LMOD3: variants seen among roughly 807,000 people sequenced by gnomAD.
The protein encoded by LMOD3 is leiomodin-3.
Under a neutral mutation model 41.8 loss-of-function variants are expected in LMOD3, and 31 were observed. The ratio of observed to expected loss-of-function variants is 0.74; its 90% confidence interval spans 0.56 to 1.00. The LOEUF is 1.00. Among genes scored for constraint, LMOD3 ranks in the 50% least tolerant of loss-of-function variants. The pLI is 0.00. For missense variants in LMOD3, 755 were observed against 679.5 expected (o/e 1.11, Z -1.23); for synonymous variants, 292 against 241.9 (o/e 1.21, Z -1.92).
intron 2 of LMOD3, among the ~76,000 whole-genome samples, chr3:69,110,853 A>ATATATAT (rs1553686981): frequency 7.7e-5 from 8 of 104,124 alleles, no homozygotes; most frequent in African/African-American, 3.4e-4. Context: ...AAAAAAAAAA[A>ATATATAT]ATATATATAT....
In LMOD3 at chr3:69,120,055, CT is replaced by C. The variant is rs779034588; in HGVS notation, c.299del (p.Lys100ArgfsTer9). Reference protein sequence around the residue: ...VPVTFVKSEEKTQEEHEEIEK... With the variant: ...VPVTFVKSEEXTQEEHEEIEK... The stretch of plus-strand genomic sequence containing the variant: ...CTATTTCTTCATGCTCTTCTTGAGT[CT>C]TTTCCTACAAGAGAGGTTTATGAGG... On this transcript the variant is annotated frameshift_variant, in exon 2 of 3. Transcript: ENST00000420581. LOFTEE classifies it high-confidence loss of function. 8.2e-6 allele frequency: 13 copies of C among 1,594,340 alleles called. No individual in the cohort carries two copies. The highest frequency in any genetic ancestry group is 1.1e-5 in the Non-Finnish European group (13 of 1,174,598).
chr3:69,117,678 T>C (rs985233229), intron 2 of LMOD3, among the ~76,000 whole-genome samples: 2 of 152,178 alleles, frequency 1.3e-5, no homozygotes, highest in Non-Finnish European at 2.9e-5. Flanking sequence ...CGTGAATTCA[T>C]GGTGACACCA....
At chr3:69,112,494 AC>A (rs1473448314) in intron 2 of LMOD3, among the ~76,000 whole-genome samples, 1 of 152,216 alleles carries the variant, frequency 6.6e-6, no homozygotes. Context: ...AGAGGTGTGG[AC>A]AAAAAAGGTA....
At chr3:69,117,833 GTT>G (rs374336943) in intron 2 of LMOD3, among the ~76,000 whole-genome samples, 26 of 132,048 alleles carry the variant, frequency 2.0e-4, no homozygotes, top group Non-Finnish European at 2.0e-4. Context: ...AATTTGGGTG[GTT>G]TTTTTTTTTT....
At position 69,107,205 on chromosome 3, in the gene LMOD3, A is replaced by G. The variant is rs1390964869; in HGVS notation, c.*1890T>C. On this transcript the variant is annotated 3_prime_UTR_variant, in exon 3 of 3. Transcript: ENST00000420581. ...GGGTGAGAAAACAAAACTATCAGCC[A>G]TTGAAAACTATATTTAAATTTGGAT... 1 of 152,002 alleles carries G rather than the reference A, an allele frequency of 6.6e-6. No homozygotes were observed. Among genetic ancestry groups the G allele is most frequent in the Non-Finnish European group, 1.5e-5 (1 of 67,996 alleles). 9.4% of individuals were successfully genotyped at this position (152,002 alleles called of 1,614,324 possible).
rs2092328128 is a variant in LMOD3 at position 69,107,466 on chromosome 3, T to TG, written c.*1628_*1629insC. On this transcript the variant is annotated 3_prime_UTR_variant, in exon 3 of 3. Transcript: ENST00000420581. The stretch of plus-strand genomic sequence containing the variant: ...AAGGCACCAAAGGTTTTTTTTTTTT[T>TG]TTTTTTTTTTTTTTTTTTTTTTTTT... 2.1e-5 allele frequency: 2 copies of TG among 93,828 alleles called. No homozygotes were observed. Among genetic ancestry groups the TG allele is most frequent in the Non-Finnish European group, 2.1e-5 (1 of 48,758 alleles). The allele number at this position is 93,828 out of a possible 1,614,324, so 5.8% of individuals were successfully genotyped here. A position where few individuals can be genotyped will look rare whatever the true frequency, so the allele number is the denominator to read the frequency against.
Position 69,119,589 on chromosome 3 carries a change from T to C in LMOD3, c.766A>G (p.Lys256Glu). The change falls in exon 2 of 3, where the codon AAG (lysine) becomes GAG (glutamate). Residue 256 changes from lysine to glutamate, a missense_variant. Lys to Glu is a moderately conservative substitution (Grantham distance 56, BLOSUM62 1). Transcript: ENST00000420581. The stretch of plus-strand genomic sequence containing the variant: ...TCAATGTTGTTCAGGTTGAGTTCCT[T>C]CATGTCAGGATCATTTTTCCTAACT... ...RRVRKNDPDM[K>E]ELNLNNIENI... The C allele has an allele frequency of 6.2e-7, 1 of 1,613,814 alleles. No individual in the cohort carries two copies. Among genetic ancestry groups the C allele is most frequent in the Non-Finnish European group, 8.5e-7 (1 of 1,179,880 alleles).
intron 2 of LMOD3, among the ~76,000 whole-genome samples, chr3:69,112,585 A>AT (rs1391371347): frequency 6.6e-6 from 1 of 152,220 alleles, no homozygotes; most frequent in Non-Finnish European, 1.5e-5. Flanking sequence ...AATTGGATAG[A>AT]TTCTAACAGA....
intron 2 of LMOD3, among the ~76,000 whole-genome samples, chr3:69,115,574 T>A (rs1312353639): frequency 6.6e-6 from 1 of 151,968 alleles, no homozygotes; most frequent in Non-Finnish European, 1.5e-5. Flanking sequence ...AGTAACATCA[T>A]ACACACACAG....
chr3:69,119,914 ATCT>A lies in LMOD3; in HGVS notation c.438_440del (p.Glu146del). On this transcript the variant is annotated inframe_deletion, in exon 2 of 3. Coordinates refer to ENST00000420581, the MANE Select transcript of LMOD3 (RefSeq NM_198271.5). ...CATCATCATCATCTTCTTCTTCTTC[ATCT>A]TCTTCATCTGTTTCTTGGATATTGC... The A allele has an allele frequency of 1.3e-6, 2 of 1,549,876 alleles. No homozygotes were observed. Among genetic ancestry groups the A allele is most frequent in the East Asian group, 2.4e-5 (1 of 41,404 alleles).
intron 2 of LMOD3, among the ~76,000 whole-genome samples, chr3:69,114,995 A>G (rs2092364945): frequency 6.6e-6 from 1 of 152,096 alleles, no homozygotes; most frequent in African/African-American, 2.4e-5. Context: ...CCTCTTGTGT[A>G]GCTGGTACCA....
intron 2 of LMOD3, among the ~76,000 whole-genome samples, chr3:69,115,150 G>C (rs568831579): frequency 6.6e-6 from 1 of 152,226 alleles, no homozygotes; most frequent in East Asian, 1.9e-4. Context: ...TGAGATTACA[G>C]GTATGAACCA....
chr3:69,117,370 G>A (rs887973852), intron 2 of LMOD3, among the ~76,000 whole-genome samples: 2 of 152,176 alleles, frequency 1.3e-5, no homozygotes, highest in Non-Finnish European at 2.9e-5. Context: ...AAAAGAGCAA[G>A]CATGCATAAA....
Position 69,108,849 on chromosome 3 carries a change from A to G in LMOD3, c.*246T>C, listed in dbSNP as rs2092334939. On this transcript the variant is annotated 3_prime_UTR_variant, in exon 3 of 3. Transcript: ENST00000420581. ...ACTCTAAATTTCACCTGAGTCACTCAAATTGATTGCAAGTAGAAAATATTG... is the reference window on the plus strand; with the variant it reads ...ACTCTAAATTTCACCTGAGTCACTCGAATTGATTGCAAGTAGAAAATATTG... 5.2e-6 allele frequency: 2 copies of G among 384,878 alleles called. No individual in the cohort carries two copies. The highest frequency in any genetic ancestry group is 9.2e-6 in the Non-Finnish European group (2 of 217,418). 23.8% of individuals were successfully genotyped at this position (384,878 alleles called of 1,614,324 possible).
At chr3:69,122,038 C>G in intron 1 of LMOD3, 55 bp downstream of exon 1, 1 of 1,430,668 alleles carries the variant, frequency 7.0e-7, no homozygotes, top group Non-Finnish European at 9.6e-7. Flanking sequence ...AACAGAGAGA[C>G]CTAACAGCCC....
chr3:69,112,591 A>ATTTCTTC (rs2092354922), intron 2 of LMOD3, among the ~76,000 whole-genome samples: 1 of 152,244 alleles, frequency 6.6e-6, no homozygotes, highest in Non-Finnish European at 1.5e-5. Context: ...ATAGATTCTA[A>ATTTCTTC]CAGAGATAGA....
intron 2 of LMOD3, among the ~76,000 whole-genome samples, chr3:69,113,743 C>T (rs1452634363): frequency 6.6e-6 from 1 of 152,112 alleles, no homozygotes; most frequent in African/African-American, 2.4e-5. Context: ...ATGCAGCTGG[C>T]CTCAGGGAAT....
intron 2 of LMOD3, among the ~76,000 whole-genome samples, chr3:69,113,388 G>A (rs2107522597): frequency 6.6e-6 from 1 of 152,282 alleles, no homozygotes; most frequent in Non-Finnish European, 1.5e-5. Flanking sequence ...AGAAAGAGGA[G>A]AAAAGTACAA....
At chr3:69,113,394 T>C (rs1400583371) in intron 2 of LMOD3, among the ~76,000 whole-genome samples, 2 of 151,992 alleles carry the variant, frequency 1.3e-5, no homozygotes, top group East Asian at 1.9e-4. Flanking sequence ...AGGAGAAAAG[T>C]ACAAAAGGAG....
Sources: gnomAD v4.1 joint callset for allele counts (sites outside exome capture counted in the v4.1 genomes callset) on GRCh38, gnomAD v4.1.1 for gene constraint, MANE v1.5 for transcripts, NCBI Gene and HGNC (gene_info 2026-07-23, HGNC 2026-07-21) for gene names.